The following THSD7A variants were observed in gnomAD, a reference collection of about 807,000 sequenced individuals.
THSD7A encodes thrombospondin type-1 domain-containing protein 7A.
In THSD7A, 96 loss-of-function variants were observed where a neutral mutation model predicts 231.3. That is an observed-to-expected ratio of 0.41 (90% CI 0.35 to 0.49). The LOEUF is 0.49. Among genes scored for constraint, THSD7A ranks in the 20% least tolerant of loss-of-function variants. THSD7A has a pLI of 0.05. For missense variants in THSD7A, 2,290 were observed against 2,070.2 expected, an observed-to-expected ratio of 1.11 and a Z score of -2.06; for synonymous variants, 940 against 743.3, an observed-to-expected ratio of 1.26 and a Z score of -4.30.
chr7:11,593,858 C>T, intron 2 of THSD7A, among the ~76,000 whole-genome samples: 1 of 152,106 alleles, frequency 6.6e-6, no homozygotes, highest in East Asian at 1.9e-4. Context: ...TGCTAATTTC[C>T]ATTCTGTTTA....
At chr7:11,413,955 C>G (rs1001041270) in intron 17 of THSD7A, 5 of 152,298 alleles carry the variant, frequency 3.3e-5, no homozygotes, top group African/African-American at 9.7e-5. Flanking sequence ...AGTCCCACCC[C>G]TTCCCCCAAA....
intron 1 of THSD7A, among the ~76,000 whole-genome samples, chr7:11,825,920 G>A (rs1408946421): frequency 6.6e-6 from 1 of 152,000 alleles, no homozygotes; most frequent in Admixed American, 6.6e-5. Flanking sequence ...ACTTGTATTG[G>A]GATAATGCCA....
At chr7:11,815,130 A>G (rs899441916) in intron 1 of THSD7A, among the ~76,000 whole-genome samples, 1 of 151,768 alleles carries the variant, frequency 6.6e-6, no homozygotes, top group Non-Finnish European at 1.5e-5. Context: ...CTCCATTTTT[A>G]AGCTTCATAT....
chr7:11,383,527 T>C (rs1782607949), intron 23 of THSD7A, among the ~76,000 whole-genome samples: 1 of 151,972 alleles, frequency 6.6e-6, no homozygotes, highest in Non-Finnish European at 1.5e-5. Context: ...ATTTTTTTCC[T>C]GCAAAAGGTG....
At chr7:11,519,754 GTTC>G (rs1215237995) in intron 6 of THSD7A, among the ~76,000 whole-genome samples, 1 of 152,100 alleles carries the variant, frequency 6.6e-6, no homozygotes, top group African/African-American at 2.4e-5. Flanking sequence ...TTTTAATAGT[GTTC>G]TTGATATAGT....
At chr7:11,508,740 T>C (rs532227910) in intron 6 of THSD7A, among the ~76,000 whole-genome samples, 11 of 152,342 alleles carry the variant, frequency 7.2e-5, no homozygotes, top group South Asian at 6.2e-4. Flanking sequence ...TATATACTCA[T>C]AGTGGAATAA....
At chr7:11,414,136 C>G (rs1414028944) in intron 17 of THSD7A, 1 of 152,204 alleles carries the variant, frequency 6.6e-6, no homozygotes, top group African/African-American at 2.4e-5. Flanking sequence ...TGGTTACAGC[C>G]TGACACTGCC....
intron 1 of THSD7A, among the ~76,000 whole-genome samples, chr7:11,823,764 G>A (rs539536491): frequency 6.6e-6 from 1 of 151,630 alleles, no homozygotes. Context: ...GATCATTATT[G>A]GTATATATGA....
chr7:11,602,827 C>A (rs1486144309), intron 2 of THSD7A, among the ~76,000 whole-genome samples: 4 of 151,298 alleles, frequency 2.6e-5, no homozygotes, highest in African/African-American at 7.3e-5. Context: ...TATTACAATA[C>A]AAGATTGAAG....
intron 4 of THSD7A, among the ~76,000 whole-genome samples, chr7:11,580,057 TA>T (rs1791089660): frequency 1.3e-5 from 2 of 152,160 alleles, no homozygotes; most frequent in Admixed American, 1.3e-4. Flanking sequence ...CTGTTTTTTT[TA>T]AAATAACATT....
chr7:11,468,441 T>C (rs1474773487), intron 9 of THSD7A, among the ~76,000 whole-genome samples: 3 of 151,638 alleles, frequency 2.0e-5, no homozygotes, highest in African/African-American at 7.3e-5. Context: ...TGTCAGGCAA[T>C]GACACTGCAT....
In THSD7A at chr7:11,541,540, G is replaced by C. The variant is rs1279983957; in HGVS notation, c.1701C>G (p.Pro567=). 2 of 1,613,826 alleles carry C rather than the reference G, an allele frequency of 1.2e-6. No individual in the cohort carries two copies. The highest frequency in any genetic ancestry group is 1.7e-6 in the Non-Finnish European group (2 of 1,179,884). Residue 567 remains proline (P), a synonymous_variant, in exon 6 of 28, where the codon CCC becomes CCG. Coordinates refer to ENST00000423059, the MANE Select transcript of THSD7A (RefSeq NM_015204.3). ...AGTCATAACAGGCAGGCTCTTCACA[G>C]GGAATGGCTTCCAGTAAGTGAGGGC... The part of the protein sequence containing the change: ...GNCPHLLEAI[P]CEEPACYDWK...
chr7:11,755,069 C>G (rs975027701), intron 1 of THSD7A, among the ~76,000 whole-genome samples: 1 of 152,068 alleles, frequency 6.6e-6, no homozygotes, highest in African/African-American at 2.4e-5. Context: ...CCAGGGGTCA[C>G]TTTGCCTCTG....
At chr7:11,828,722 TAG>T (rs1460612988) in intron 1 of THSD7A, among the ~76,000 whole-genome samples, 7 of 149,910 alleles carry the variant, frequency 4.7e-5, no homozygotes, top group African/African-American at 1.3e-4. Context: ...ATAAAGCACA[TAG>T]ATAGATAGAT....
intron 7 of THSD7A, among the ~76,000 whole-genome samples, chr7:11,475,347 T>C (rs988260100): frequency 6.6e-6 from 1 of 151,932 alleles, no homozygotes; most frequent in Admixed American, 6.6e-5. Context: ...GCATTAGCTG[T>C]GGGGTACTTC....
At chr7:11,570,173 GA>G (rs937506538) in intron 4 of THSD7A, among the ~76,000 whole-genome samples, 19 of 150,860 alleles carry the variant, frequency 1.3e-4, no homozygotes, top group South Asian at 2.1e-4. Flanking sequence ...CTTGAAAAAA[GA>G]AAAAAAGAAA....
At chr7:11,731,367 TTC>T (rs1405988646) in intron 1 of THSD7A, among the ~76,000 whole-genome samples, 2 of 151,654 alleles carry the variant, frequency 1.3e-5, no homozygotes, top group Non-Finnish European at 3.0e-5. Context: ...AGAAAATAGA[TTC>T]TTCTTAATAA....
intron 1 of THSD7A, among the ~76,000 whole-genome samples, chr7:11,688,656 T>A (rs79677881): frequency 5.3e-5 from 8 of 151,714 alleles, no homozygotes; most frequent in African/African-American, 1.9e-4. Context: ...AGAGGTAACA[T>A]GAGCAAATGT....
intron 1 of THSD7A, among the ~76,000 whole-genome samples, chr7:11,748,944 G>A (rs1782408018): frequency 6.6e-6 from 1 of 151,880 alleles, no homozygotes; most frequent in Non-Finnish European, 1.5e-5. Context: ...CGAACACCGG[G>A]AATGAAGTAT....
Sources: allele counts gnomAD v4.1 joint callset (sites outside exome capture counted in the v4.1 genomes callset), GRCh38; gene constraint gnomAD v4.1.1; transcripts MANE v1.5; gene names NCBI Gene and HGNC (gene_info 2026-07-23, HGNC 2026-07-21).